The following GFPT2 variants were observed in gnomAD, a reference collection of about 807,000 sequenced individuals.
GFPT2 encodes glutamine--fructose-6-phosphate aminotransferase [isomerizing] 2.
In GFPT2, 62 loss-of-function variants were observed where a neutral mutation model predicts 85.6. The observed-to-expected ratio is 0.72, with a 90% CI of 0.59 to 0.90. The LOEUF is 0.90. GFPT2 is among the 40% of genes least tolerant of loss of function. The pLI, the probability that GFPT2 is intolerant of heterozygous loss-of-function variation, is 0.00. For synonymous variants in GFPT2, 368 were observed against 344.5 expected (o/e 1.07, Z -0.75); for missense variants, 788 against 893.4 (o/e 0.88, Z 1.50).
At chr5:180,338,778 CA>C (rs944939277) in intron 1 of GFPT2, among the ~76,000 whole-genome samples, 178 bp from the exon 2 acceptor site, 4 of 152,214 alleles carry the variant, frequency 2.6e-5, no homozygotes, top group African/African-American at 9.6e-5. Flanking sequence ...CCTCCTGTGA[CA>C]AAAACCCCCA....
rs1195185101 is a variant in GFPT2 at position 180,301,303 on chromosome 5, T to C, written c.*261A>G. On this transcript the variant is annotated 3_prime_UTR_variant, in exon 19 of 19. Coordinates refer to ENST00000253778, the MANE Select transcript of GFPT2 (RefSeq NM_005110.4). ...TACTCTGAAGAGAGCTGTATCTCTA[T>C]TGCACAGTAGTGGAGAAGTCTGCTC... 2 of 542,100 alleles carry C rather than the reference T, an allele frequency of 3.7e-6. No homozygotes were observed. The highest frequency in any genetic ancestry group is 6.5e-6 in the Non-Finnish European group (2 of 308,132). 33.6% of individuals were successfully genotyped at this position (542,100 alleles called of 1,614,324 possible). A position where few individuals can be genotyped will look rare whatever the true frequency, so the allele number is the denominator to read the frequency against.
intron 1 of GFPT2, among the ~76,000 whole-genome samples, chr5:180,340,800 C>CT (rs1342356685): frequency 6.6e-6 from 1 of 152,192 alleles, no homozygotes; most frequent in Non-Finnish European, 1.5e-5. Flanking sequence ...AGGCGTGAGC[C>CT]ACCACGCCTG....
chr5:180,353,311 C>A lies in GFPT2; in HGVS notation c.-94G>T. On this transcript the variant is annotated 5_prime_UTR_variant, in exon 1 of 19. Transcript: ENST00000253778. ...TGGGCTCCTCCGTGGGCTCCGTGGG[C>A]TCCGTGGGCTCCGCGGGCTCCAGCT... The A allele has an allele frequency of 1.0e-6, 1 of 970,234 alleles. No individual in the cohort carries two copies. Among genetic ancestry groups the A allele is most frequent in the Non-Finnish European group, 1.3e-6 (1 of 748,666 alleles). 60.1% of individuals were successfully genotyped at this position (970,234 alleles called of 1,614,324 possible).
At chr5:180,332,329 A>G (rs1301905287) in intron 4 of GFPT2, among the ~76,000 whole-genome samples, 2 of 152,132 alleles carry the variant, frequency 1.3e-5, no homozygotes, top group Non-Finnish European at 2.9e-5. Flanking sequence ...TAGCCCGCAT[A>G]TGAGTGCCTT....
chr5:180,311,242 C>T (rs770443139), intron 15 of GFPT2, among the ~76,000 whole-genome samples: 2 of 152,174 alleles, frequency 1.3e-5, no homozygotes, highest in Admixed American at 6.5e-5. Flanking sequence ...CAGCCTGGGG[C>T]GAGGCTCGAT....
At position 180,307,287 on chromosome 5, in the gene GFPT2, C is replaced by T. The variant is rs1763801433; in HGVS notation, c.1563G>A (p.Val521=). The T allele has an allele frequency of 6.2e-7, 1 of 1,613,842 alleles. No homozygotes were observed. The highest frequency in any genetic ancestry group is 1.7e-5 in the Admixed American group (1 of 60,010). Residue 521 remains valine, a synonymous_variant, in exon 16 of 19, where the codon GTG becomes GTA. Transcript: ENST00000253778. The part of the protein sequence containing the change: ...LRSLPELIKE[V]LSLEEKIHDL... Reference sequence around the variant, plus strand: ...CGTGGATCTTCTCCTCCAGAGACAGCACTTCCTTGATCAGCTCTGGGCCAT... The same window carrying T: ...CGTGGATCTTCTCCTCCAGAGACAGTACTTCCTTGATCAGCTCTGGGCCAT...
At position 180,302,442 on chromosome 5, in the gene GFPT2, G is replaced by A. The variant is rs1763694359; in HGVS notation, c.1985C>T (p.Ala662Val). The A allele has an allele frequency of 6.2e-7, 1 of 1,613,732 alleles. No individual in the cohort carries two copies. Among genetic ancestry groups the A allele is most frequent in the South Asian group, 1.1e-5 (1 of 91,088 alleles). Residue 662 changes from alanine to valine, a missense_variant, in exon 18 of 19, where the codon GCT becomes GTT. Physicochemically the swap from Ala to Val is moderately conservative, Grantham distance 64. Transcript: ENST00000253778. Reference protein sequence around the residue: ...IPLQLLSFHLAVLRGYDVDFP... With the variant: ...IPLQLLSFHLVVLRGYDVDFP... The stretch of plus-strand genomic sequence containing the variant: ...ACGCACGTCATATCCTCGGAGAACA[G>A]CCAGGTGGAAGGACAGCAGCTGCAG...
chr5:180,328,249 T>G lies in GFPT2; in HGVS notation c.596+28A>C, dbSNP rs1328929267. 15 of 1,552,646 alleles carry G rather than the reference T, an allele frequency of 9.7e-6. No homozygotes were observed. The highest frequency in any genetic ancestry group is 1.2e-5 in the Non-Finnish European group (14 of 1,123,842). On this transcript the variant is annotated intron_variant, in intron 7 of 18. Transcript: ENST00000253778. The surrounding 1 kb of genome is among the most constrained non-coding windows in gnomAD (Gnocchi z 5.4). ...GTGATTTTATTTTCGTTCTTTCTTA[T>G]GGGAAATGCCAGTGTGTTTTGCCTC...
chr5:180,326,798 A>G (rs1764218384), intron 7 of GFPT2, among the ~76,000 whole-genome samples: 3 of 152,220 alleles, frequency 2.0e-5, no homozygotes. Flanking sequence ...CTTGAGACAT[A>G]TAATTCTCCC....
At position 180,323,382 on chromosome 5, in the gene GFPT2, G is replaced by A. The variant is rs904969829; in HGVS notation, c.794+806C>T. 1.1e-4 allele frequency among the ~76,000 whole-genome samples: 16 copies of A among 152,126 alleles called. No individual in the cohort carries two copies. The highest frequency in any genetic ancestry group is 1.5e-4 in the Non-Finnish European group (10 of 67,988). Reference sequence around the variant, plus strand: ...TGGTGTCCTCCCTGCCTCACAGCACGGCCCTATTAGAGGCTGGTCGGGAAA... The same window carrying A: ...TGGTGTCCTCCCTGCCTCACAGCACAGCCCTATTAGAGGCTGGTCGGGAAA... On this transcript the variant is annotated intron_variant, in intron 9 of 18. Transcript: ENST00000253778. This position sits in a 1 kb window ranked among gnomAD's most constrained non-coding sequence, Gnocchi z 4.0.
chr5:180,333,110 T>A (rs1764334605), intron 4 of GFPT2, among the ~76,000 whole-genome samples: 2 of 152,236 alleles, frequency 1.3e-5, no homozygotes, highest in African/African-American at 4.8e-5. Context: ...ATTTATTTTT[T>A]ACTGCTCTGT....
In GFPT2 at chr5:180,330,647, T is replaced by G. The variant is rs1764284725; in HGVS notation, c.534+53A>C. 1 of 1,490,484 alleles carries G rather than the reference T, an allele frequency of 6.7e-7. No individual in the cohort carries two copies. The highest frequency in any genetic ancestry group is 1.8e-5 in the Admixed American group (1 of 55,552). 92.3% of individuals were successfully genotyped at this position (1,490,484 alleles called of 1,614,324 possible). A position where few individuals can be genotyped will look rare whatever the true frequency, so the allele number is the denominator to read the frequency against. ...TGGCACTTGCTGCTTGAAAAAAATG[T>G]TTTTAATGAAAGAATGAAGGAATGA... On this transcript the variant is annotated intron_variant, in intron 6 of 18. Coordinates refer to ENST00000253778, the MANE Select transcript of GFPT2 (RefSeq NM_005110.4). This position sits in a 1 kb window ranked among gnomAD's most constrained non-coding sequence, Gnocchi z 4.4.
intron 2 of GFPT2, among the ~76,000 whole-genome samples, chr5:180,337,819 T>C (rs1189209595): frequency 6.6e-6 from 1 of 152,012 alleles, no homozygotes; most frequent in Non-Finnish European, 1.5e-5. Context: ...TCTTTATGTA[T>C]TGTTCTGTGT....
At chr5:180,305,855 G>A (rs1255584422) in intron 16 of GFPT2, among the ~76,000 whole-genome samples, 1 of 152,164 alleles carries the variant, frequency 6.6e-6, no homozygotes, top group Admixed American at 6.5e-5. Flanking sequence ...TCTCCAGGGG[G>A]CAGGTGCAGG....
At chr5:180,335,766 A>G (rs978409264) in intron 4 of GFPT2, 62 bp downstream of exon 4, 22 of 1,545,776 alleles carry the variant, frequency 1.4e-5, no homozygotes, top group Non-Finnish European at 1.6e-5. Flanking sequence ...TTTGGCGGGC[A>G]CTGGCCCTGA....
In GFPT2 at chr5:180,301,936, T is replaced by C. The variant is rs148447460; in HGVS notation, c.2005-328A>G. 6.2e-3 allele frequency among the ~76,000 whole-genome samples: 661 copies of C among 107,196 alleles called. 12 individuals carry two copies. In the East Asian group the frequency reaches 0.079, roughly 13 times the overall value. The allele number at this position is 107,196 out of a possible 152,430, so 70.3% of individuals were successfully genotyped here. A position where few individuals can be genotyped will look rare whatever the true frequency, so the allele number is the denominator to read the frequency against. On this transcript the variant is annotated intron_variant, in intron 18 of 18. Coordinates refer to ENST00000253778, the MANE Select transcript of GFPT2 (RefSeq NM_005110.4). ...CTTTTCTTGCAAGAATATATATGAA[T>C]TCCATGGGACTTATTTGTTTAGGGT...
chr5:180,336,293 G>A lies in GFPT2; in HGVS notation c.214+186C>T, dbSNP rs553992189. On this transcript the variant is annotated intron_variant, in intron 3 of 18. Coordinates refer to ENST00000253778, the MANE Select transcript of GFPT2 (RefSeq NM_005110.4). ...CACTTAAAAAAATTATCCATGCGCC[G>A]CCACCACCTAAAATAAACCATCCCA... is the stretch of plus-strand genomic sequence containing the variant. 2.7e-4 allele frequency: 169 copies of A among 625,558 alleles called. 3 individuals carry two copies. In the South Asian group the frequency reaches 3.0e-3, roughly 11 times the overall value. The allele number at this position is 625,558 out of a possible 1,614,324, so 38.8% of individuals were successfully genotyped here. A position where few individuals can be genotyped will look rare whatever the true frequency, so the allele number is the denominator to read the frequency against.
chr5:180,352,241 C>T, intron 1 of GFPT2: 1 of 364,570 alleles, frequency 2.7e-6, no homozygotes, highest in East Asian at 8.1e-5. Context: ...CCACCCCGGC[C>T]CTCAGCAAAG....
At chr5:180,321,777 GT>G (rs934850654) in intron 9 of GFPT2, among the ~76,000 whole-genome samples, 8 of 144,736 alleles carry the variant, frequency 5.5e-5, no homozygotes, top group African/African-American at 1.9e-4. Context: ...GTTTTGTTTT[GT>G]TTTGTTTTGT....
Sources: gnomAD v4.1 joint callset for allele counts (sites outside exome capture counted in the v4.1 genomes callset) on GRCh38, gnomAD v4.1.1 for gene constraint, Gnocchi (gnomAD v3.1) non-coding constraint, MANE v1.5 for transcripts, NCBI Gene and HGNC (gene_info 2026-07-23, HGNC 2026-07-21) for gene names.